ADD1: variants seen among roughly 807,000 people sequenced by gnomAD.
The protein encoded by ADD1 is adducin 1, also known as alpha-adducin.
A neutral mutation model predicts 80.5 loss-of-function variants in ADD1; 24 were observed. The observed-to-expected ratio is 0.30, with a 90% CI of 0.22 to 0.42. The LOEUF (loss-of-function observed/expected upper bound fraction) is 0.42. ADD1 is among the 10% of genes least tolerant of loss of function. The pLI is 1.00. For synonymous variants in ADD1, 373 were observed against 393.8 expected (o/e 0.95, Z 0.63); for missense variants, 948 against 1,019.0 (o/e 0.93, Z 0.95).
intron 1 of ADD1, among the ~76,000 whole-genome samples, chr4:2,867,099 A>G (rs1729664655): frequency 1.3e-5 from 2 of 152,094 alleles, no homozygotes; most frequent in African/African-American, 4.8e-5. Flanking sequence ...AAAACCCACA[A>G]AAACACTGAG....
intron 3 of ADD1, 91 bp from the exon 4 acceptor site, chr4:2,884,424 C>T (rs1577556395): frequency 1.9e-6 from 2 of 1,060,716 alleles, no homozygotes; most frequent in Admixed American, 2.6e-5. Flanking sequence ...CTCATGGCTT[C>T]AAGTGATCCT....
At chr4:2,884,212 G>C (rs1292733854) in intron 3 of ADD1, among the ~76,000 whole-genome samples, 1 of 152,162 alleles carries the variant, frequency 6.6e-6, no homozygotes, top group Non-Finnish European at 1.5e-5. Context: ...ACTTAATTGT[G>C]TAAGTATTGG....
chr4:2,892,050 G>C (rs1007412600), intron 4 of ADD1, among the ~76,000 whole-genome samples: 4 of 152,142 alleles, frequency 2.6e-5, no homozygotes, highest in Admixed American at 2.6e-4. Flanking sequence ...TGACACGGTG[G>C]GCTCTCAGCG....
intron 4 of ADD1, chr4:2,887,548 A>C (rs775124465): frequency 2.0e-5 from 3 of 152,084 alleles, no homozygotes; most frequent in Non-Finnish European, 4.4e-5. Context: ...TGGCCTGCCC[A>C]TTCTGATGTC....
At chr4:2,853,395 C>G (rs1727610092) in intron 1 of ADD1, among the ~76,000 whole-genome samples, 1 of 152,110 alleles carries the variant, frequency 6.6e-6, no homozygotes, top group Non-Finnish European at 1.5e-5. Context: ...GTGTGAGCCA[C>G]CGGCGTCTTT....
intron 2 of ADD1, chr4:2,881,642 C>T: frequency 3.0e-6 from 1 of 332,740 alleles, no homozygotes; most frequent in Non-Finnish European, 5.4e-6. Flanking sequence ...TCTTTGAGCA[C>T]TTCCTTGAAT....
Position 2,904,913 on chromosome 4 carries a change from T to G in ADD1, c.1311T>G (p.Phe437Leu). Residue 437 changes from phenylalanine to leucine, a missense_variant, in exon 10 of 16, where the codon TTT becomes TTG. Transcript: ENST00000683351. ...SGTCSPLRHSFQKQQREKTRW... is the reference protein window; with the variant it reads ...SGTCSPLRHSLQKQQREKTRW... ...CTTGCTCCCCACTCAGACACAGTTT[T>G]CAGAAGCAGCAGCGGGAGAAGACAA... 6.2e-7 allele frequency: 1 copy of G among 1,614,158 alleles called. No individual in the cohort carries two copies. The highest frequency in any genetic ancestry group is 8.5e-7 in the Non-Finnish European group (1 of 1,180,048).
chr4:2,901,512 TA>T (rs1390897404), intron 9 of ADD1: 1 of 152,244 alleles, frequency 6.6e-6, no homozygotes, highest in Non-Finnish European at 1.5e-5. Context: ...ATTGTTTTAA[TA>T]TTAGAAGGCC....
chr4:2,916,106 A>C (rs1162283756), intron 14 of ADD1, among the ~76,000 whole-genome samples: 1 of 152,050 alleles, frequency 6.6e-6, no homozygotes, highest in East Asian at 1.9e-4. Context: ...TGGAGTGACC[A>C]GACATTCACA....
chr4:2,893,542 G>A (rs1333666749), intron 4 of ADD1, among the ~76,000 whole-genome samples: 1 of 152,012 alleles, frequency 6.6e-6, no homozygotes, highest in Non-Finnish European at 1.5e-5. Flanking sequence ...GAGCCTGGGA[G>A]GCAGAAGTTG....
At chr4:2,924,824 G>GT (rs1188842824) in intron 14 of ADD1, among the ~76,000 whole-genome samples, 1 of 152,254 alleles carries the variant, frequency 6.6e-6, no homozygotes, top group African/African-American at 2.4e-5. Context: ...ACTGGAGGTA[G>GT]TCAGCTTGAG....
chr4:2,897,323 A>G (rs535196752), intron 6 of ADD1, among the ~76,000 whole-genome samples: 1 of 151,844 alleles, frequency 6.6e-6, no homozygotes, highest in East Asian at 1.9e-4. Context: ...TAAGGACTCT[A>G]TGAACACTTA....
chr4:2,900,226 C>A (rs1735949679), intron 9 of ADD1: 3 of 152,632 alleles, frequency 2.0e-5, no homozygotes, highest in African/African-American at 2.4e-5. Context: ...TACGGTGCAC[C>A]TTTCAGGTTC....
At chr4:2,909,810 C>G (rs188434594) in intron 13 of ADD1, among the ~76,000 whole-genome samples, 14 of 151,962 alleles carry the variant, frequency 9.2e-5, no homozygotes, top group Non-Finnish European at 1.9e-4. Flanking sequence ...TGGCAGCGGC[C>G]ACTCCCGAGT....
At chr4:2,849,554 A>G (rs764848430) in intron 1 of ADD1, among the ~76,000 whole-genome samples, 1 of 152,236 alleles carries the variant, frequency 6.6e-6, no homozygotes, top group Admixed American at 6.5e-5. Flanking sequence ...CTGGAATGGC[A>G]GCTGTGGCTG....
At position 2,926,801 on chromosome 4, in the gene ADD1, T is replaced by G; in HGVS notation, c.2047+689T>G. 8.9e-7 allele frequency: 1 copy of G among 1,123,494 alleles called. No individual in the cohort carries two copies. The highest frequency in any genetic ancestry group is 1.3e-6 in the Non-Finnish European group (1 of 783,832). The allele number at this position is 1,123,494 out of a possible 1,614,324, so 69.6% of individuals were successfully genotyped here. A position where few individuals can be genotyped will look rare whatever the true frequency, so the allele number is the denominator to read the frequency against. On this transcript the variant is annotated intron_variant, in intron 15 of 15. Coordinates refer to ENST00000683351, the MANE Select transcript of ADD1 (RefSeq NM_001354761.2). The surrounding 1 kb of genome is among the most constrained non-coding windows in gnomAD (Gnocchi z 5.0). ...AATAAAAACAGAAGCCCCCCTTTTT[T>G]GTACCCAGTCCCTTGGAGGCCTTCC... is the stretch of plus-strand genomic sequence containing the variant.
intron 13 of ADD1, 114 bp downstream of exon 13, chr4:2,909,545 A>T: frequency 1.4e-6 from 1 of 721,490 alleles, no homozygotes; most frequent in Non-Finnish European, 2.3e-6. Context: ...CTTCAAATGG[A>T]TCTTTAACCT....
At chr4:2,852,891 A>G (rs976432491) in intron 1 of ADD1, among the ~76,000 whole-genome samples, 1 of 151,034 alleles carries the variant, frequency 6.6e-6, no homozygotes, top group East Asian at 2.0e-4. Flanking sequence ...TTTTTAGTAG[A>G]GCCAAGGCCT....
At chr4:2,883,662 C>A (rs566418288) in intron 3 of ADD1, among the ~76,000 whole-genome samples, 1 of 151,820 alleles carries the variant, frequency 6.6e-6, no homozygotes, top group African/African-American at 2.4e-5. Context: ...CCATGCCTGG[C>A]TAATTTTTCT....
Sources: gnomAD v4.1 joint callset for allele counts (sites outside exome capture counted in the v4.1 genomes callset) on GRCh38, gnomAD v4.1.1 for gene constraint, Gnocchi (gnomAD v3.1) non-coding constraint, MANE v1.5 for transcripts, NCBI Gene and HGNC (gene_info 2026-07-23, HGNC 2026-07-21) for gene names.